Variants in ACOT12 observed in about 807,000 individuals in gnomAD.
ACOT12 encodes acyl-CoA thioesterase 12.
In ACOT12, 51 loss-of-function variants were observed where a neutral mutation model predicts 67.7. The observed-to-expected ratio is 0.75, with a 90% CI of 0.60 to 0.95. ACOT12 has a LOEUF of 0.95. ACOT12 is among the 40% of genes least tolerant of loss of function. ACOT12 has a pLI of 0.00. For synonymous variants in ACOT12, 251 were observed against 244.6 expected (o/e 1.03, Z -0.24); for missense variants, 734 against 708.1 (o/e 1.04, Z -0.41).
Position 81,330,479 on chromosome 5 carries a change from C to A in ACOT12, c.1583G>T (p.Trp528Leu), listed in dbSNP as rs1450941455. The A allele has an allele frequency of 1.2e-6, 2 of 1,614,004 alleles. No homozygotes were observed. Among genetic ancestry groups the A allele is most frequent in the Non-Finnish European group, 1.7e-6 (2 of 1,179,952 alleles). ...TGCTGTTTCTTCAATGGATTTTGAC[C>A]AGCCACCAAGATTTCCAGCAAAGTA... ...LPYFAGNLGGWSKSIEETAAS... is the reference protein window; with the variant it reads ...LPYFAGNLGGLSKSIEETAAS... The change falls in exon 15 of 15, where the codon TGG (tryptophan) becomes TTG (leucine). Residue 528 changes from tryptophan to leucine, a missense_variant. Coordinates refer to ENST00000307624, the MANE Select transcript of ACOT12 (RefSeq NM_130767.3).
chr5:81,363,576 T>C (rs1759983832), intron 4 of ACOT12, among the ~76,000 whole-genome samples: 2 of 152,216 alleles, frequency 1.3e-5, no homozygotes, highest in Admixed American at 1.3e-4. Context: ...TTCTATATCG[T>C]CTTTTCTCTA....
chr5:81,371,407 TG>T (rs1269447574), intron 3 of ACOT12, among the ~76,000 whole-genome samples: 1 of 150,892 alleles, frequency 6.6e-6, no homozygotes, highest in Non-Finnish European at 1.5e-5. Context: ...CACTTACCAC[TG>T]TGCTGGCTAA....
At chr5:81,353,396 A>T (rs1318794771) in intron 5 of ACOT12, among the ~76,000 whole-genome samples, 1 of 152,174 alleles carries the variant, frequency 6.6e-6, no homozygotes, top group Non-Finnish European at 1.5e-5. Flanking sequence ...TTGAGTGATC[A>T]AGTTCAATAC....
At chr5:81,371,647 A>G (rs1307412937) in intron 3 of ACOT12, 103 bp downstream of exon 3, 2 of 1,130,576 alleles carry the variant, frequency 1.8e-6, no homozygotes, top group Non-Finnish European at 2.6e-6. Context: ...GAAATAGAGA[A>G]TCTCACTAAC....
the ACOT12 span, among the ~76,000 whole-genome samples, chr5:81,318,941 A>G: frequency 3.3e-5 from 5 of 152,106 alleles, no homozygotes; most frequent in South Asian, 8.3e-4. Flanking sequence ...GAGAGCTCCA[A>G]TTCCCCACCC....
At chr5:81,339,095 A>G (rs78860307) in intron 11 of ACOT12, among the ~76,000 whole-genome samples, 2 of 152,210 alleles carry the variant, frequency 1.3e-5, no homozygotes, top group African/African-American at 4.8e-5. Flanking sequence ...CAAACAGTAC[A>G]AGAGGAAACA....
In ACOT12 at chr5:81,330,561, T is replaced by C. The variant is rs2153841244; in HGVS notation, c.1519-18A>G. On this transcript the variant is annotated intron_variant, in intron 14 of 14. Coordinates refer to ENST00000307624, the MANE Select transcript of ACOT12 (RefSeq NM_130767.3). ...TAAGATACCTGTTTCAAAAAGAAAG[T>C]ACAATATTTTAATTTCTTATTGACT... 2 of 1,610,930 alleles carry C rather than the reference T, an allele frequency of 1.2e-6. No homozygotes were observed. Among genetic ancestry groups the C allele is most frequent in the Non-Finnish European group, 1.7e-6 (2 of 1,178,346 alleles).
chr5:81,378,636 A>T (rs1760489347), intron 2 of ACOT12, among the ~76,000 whole-genome samples: 1 of 152,240 alleles, frequency 6.6e-6, no homozygotes, highest in Admixed American at 6.5e-5. Context: ...AAACAAATTT[A>T]CAAGAAAAAA....
Position 81,360,037 on chromosome 5 carries a change from A to G in ACOT12, c.362T>C (p.Ile121Thr), listed in dbSNP as rs1459619704. 6.3e-7 allele frequency: 1 copy of G among 1,595,384 alleles called. No individual in the cohort carries two copies. Among genetic ancestry groups the G allele is most frequent in the Non-Finnish European group, 8.5e-7 (1 of 1,175,866 alleles). Reference protein sequence around the residue: ...FVAKPVGKEKIHLKPVTLLTE... With the variant: ...FVAKPVGKEKTHLKPVTLLTE... ...TAGAAGTGTGACTGGTTTTAAATGAATCTAGAGAAAGAAAAGCATTTATCT... is the reference window on the plus strand; with the variant it reads ...TAGAAGTGTGACTGGTTTTAAATGAGTCTAGAGAAAGAAAAGCATTTATCT... Residue 121 changes from isoleucine to threonine, a missense_variant and splice_region_variant, in exon 5 of 15, where the codon ATT becomes ACT. Physicochemically the swap from Ile to Thr is moderately conservative, Grantham distance 89 (BLOSUM62 -1). Coordinates refer to ENST00000307624, the MANE Select transcript of ACOT12 (RefSeq NM_130767.3).
At chr5:81,361,077 CA>C (rs71000820) in intron 4 of ACOT12, among the ~76,000 whole-genome samples, 639 of 52,624 alleles carry the variant, frequency 0.012, no homozygotes, top group African/African-American at 0.035. Context: ...GACTCCATCT[CA>C]AAAAAAAAAA....
intron 3 of ACOT12, 139 bp from the exon 4 acceptor site, chr5:81,364,028 G>T: frequency 2.2e-6 from 1 of 462,050 alleles, no homozygotes; most frequent in Non-Finnish European, 3.6e-6. Flanking sequence ...TTAAGCAATA[G>T]AATTATTTCA....
At chr5:81,368,875 T>A in intron 3 of ACOT12, among the ~76,000 whole-genome samples, 1 of 151,924 alleles carries the variant, frequency 6.6e-6, no homozygotes, top group Non-Finnish European at 1.5e-5. Flanking sequence ...ACTATATCAT[T>A]CCATTTATAC....
At chr5:81,382,887 G>C (rs889307341) in intron 2 of ACOT12, among the ~76,000 whole-genome samples, 1 of 151,966 alleles carries the variant, frequency 6.6e-6, no homozygotes, top group Non-Finnish European at 1.5e-5. Flanking sequence ...ATGAATAAAG[G>C]GAAAGAGTCA....
chr5:81,339,031 G>A (rs886713121), intron 11 of ACOT12, among the ~76,000 whole-genome samples: 3 of 151,758 alleles, frequency 2.0e-5, no homozygotes, highest in African/African-American at 2.4e-5. Context: ...AGTGAACCGA[G>A]ATCACACCAC....
intron 2 of ACOT12, among the ~76,000 whole-genome samples, chr5:81,377,368 C>G (rs1017273386): frequency 1.3e-5 from 2 of 152,092 alleles, no homozygotes; most frequent in African/African-American, 4.8e-5. Context: ...TTATGAGAAA[C>G]CCACAGCCAA....
At chr5:81,385,862 G>T (rs1206216897) in intron 1 of ACOT12, 36 bp from the exon 2 acceptor site, 1 of 1,581,778 alleles carries the variant, frequency 6.3e-7, no homozygotes, top group South Asian at 1.1e-5. Flanking sequence ...TGCTTTAGTG[G>T]TGATATGAGA....
chr5:81,311,299 A>G, the ACOT12 span: 11 of 1,611,538 alleles, frequency 6.8e-6, no homozygotes, highest in African/African-American at 1.2e-4. Flanking sequence ...CTGGGCCTCT[A>G]CTTAGAAGGG....
chr5:81,321,196 C>A, the ACOT12 span, among the ~76,000 whole-genome samples: 9 of 152,142 alleles, frequency 5.9e-5, no homozygotes, highest in Non-Finnish European at 1.2e-4. Context: ...GTCAAGGCTG[C>A]AGTAAGCTAA....
At chr5:81,370,123 A>G (rs1760202452) in intron 3 of ACOT12, among the ~76,000 whole-genome samples, 1 of 152,156 alleles carries the variant, frequency 6.6e-6, no homozygotes, top group Non-Finnish European at 1.5e-5. Flanking sequence ...TCTACTAAAA[A>G]TACAAAAATT....
Sources: gnomAD v4.1 joint callset for allele counts (sites outside exome capture counted in the v4.1 genomes callset) on GRCh38, gnomAD v4.1.1 for gene constraint, MANE v1.5 for transcripts, NCBI Gene and HGNC (gene_info 2026-07-23, HGNC 2026-07-21) for gene names.